Variants in STXBP4 observed in about 807,000 individuals in gnomAD.
The protein encoded by STXBP4 is syntaxin binding protein 4.
STXBP4 carries 55 observed loss-of-function variants against 76.1 expected under a neutral mutation model. That is an observed-to-expected ratio of 0.72 (90% confidence interval 0.58 to 0.91). STXBP4 has a LOEUF of 0.91. Ranked by LOEUF, STXBP4 falls within the 40% of genes least tolerant of loss-of-function variation. STXBP4 has a pLI of 0.00. For missense variants in STXBP4, 618 were observed against 636.9 expected (o/e 0.97, Z 0.32); for synonymous variants, 201 against 220.2 (o/e 0.91, Z 0.77).
intron 13 of STXBP4, among the ~76,000 whole-genome samples, chr17:55,075,823 T>C (rs2079175162): frequency 6.6e-6 from 1 of 152,118 alleles, no homozygotes; most frequent in African/African-American, 2.4e-5. Flanking sequence ...GCTGATTGCA[T>C]GCATCTCTTC....
At position 55,000,946 on chromosome 17, in the gene STXBP4, T is replaced by C. The variant is rs2077904389; in HGVS notation, c.574+63T>C. 5.3e-6 allele frequency: 6 copies of C among 1,139,136 alleles called. No individual in the cohort carries two copies. The East Asian group carries it at 1.5e-4, about 28-fold the overall frequency. 70.6% of individuals were successfully genotyped at this position (1,139,136 alleles called of 1,614,324 possible). On this transcript the variant is annotated intron_variant, in intron 7 of 17. Coordinates refer to ENST00000376352, the MANE Select transcript of STXBP4 (RefSeq NM_178509.6). The stretch of plus-strand genomic sequence containing the variant: ...TTCAATTCTCTCTCAATGAGGAGTG[T>C]GTAATGTGACTTAAGACTTTGAAGA...
intron 16 of STXBP4, among the ~76,000 whole-genome samples, chr17:55,130,685 C>T (rs1306975856): frequency 2.0e-5 from 3 of 152,172 alleles, no homozygotes; most frequent in South Asian, 4.1e-4. Flanking sequence ...CCTGTCCCTC[C>T]CCACCTGCCT....
intron 8 of STXBP4, among the ~76,000 whole-genome samples, chr17:55,012,815 T>C (rs1350636480): frequency 6.6e-6 from 1 of 152,136 alleles, no homozygotes; most frequent in East Asian, 1.9e-4. Flanking sequence ...AGTATACAAG[T>C]TGAGGTCAGG....
At chr17:55,003,837 G>A (rs576462511) in intron 7 of STXBP4, among the ~76,000 whole-genome samples, 8 of 152,058 alleles carry the variant, frequency 5.3e-5, no homozygotes, top group Non-Finnish European at 8.8e-5. Context: ...GTTTGTAAGT[G>A]AGCTAACAAT....
chr17:55,208,087 G>A, the STXBP4 span, among the ~76,000 whole-genome samples: 4 of 150,598 alleles, frequency 2.7e-5, no homozygotes, highest in South Asian at 2.1e-4. Flanking sequence ...TTAACATAAT[G>A]TGTTTTAATC....
intron 17 of STXBP4, among the ~76,000 whole-genome samples, chr17:55,147,473 G>A (rs1051776538): frequency 2.6e-5 from 4 of 152,130 alleles, no homozygotes; most frequent in African/African-American, 4.8e-5. Flanking sequence ...TCCATGGCCC[G>A]GGGGTTGAGG....
chr17:55,158,148 A>T (rs2080301578), intron 17 of STXBP4, among the ~76,000 whole-genome samples: 1 of 152,130 alleles, frequency 6.6e-6, no homozygotes, highest in Non-Finnish European at 1.5e-5. Context: ...CTGCAGCCTC[A>T]AACTTCTGAG....
chr17:54,968,812 A>G lies in STXBP4; in HGVS notation c.-160A>G. The G allele has an allele frequency of 1.4e-6, 1 of 703,116 alleles. No homozygotes were observed. 43.6% of individuals were successfully genotyped at this position (703,116 alleles called of 1,614,324 possible). A position where few individuals can be genotyped will look rare whatever the true frequency, so the allele number is the denominator to read the frequency against. ...GCTACGGAGGCCGGGTTGCCAGATTACGGGTAAGTTTGCGTTTTGCTTTGT... is the reference window on the plus strand; with the variant it reads ...GCTACGGAGGCCGGGTTGCCAGATTGCGGGTAAGTTTGCGTTTTGCTTTGT... On this transcript the variant is annotated 5_prime_UTR_variant, in exon 1 of 18. Transcript: ENST00000376352.
chr17:55,048,917 G>A (rs548400354), intron 12 of STXBP4, among the ~76,000 whole-genome samples: 1 of 151,978 alleles, frequency 6.6e-6, no homozygotes, highest in South Asian at 2.1e-4. Context: ...TATAGGTACT[G>A]GGGAAATCTG....
intron 8 of STXBP4, among the ~76,000 whole-genome samples, chr17:55,027,385 G>C (rs34634766): frequency 2.0e-5 from 3 of 152,162 alleles, no homozygotes; most frequent in African/African-American, 7.2e-5. Context: ...CACAAAGGAA[G>C]TGAAATAATG....
In STXBP4 at chr17:55,024,374, G is replaced by A. The variant is rs139494432; in HGVS notation, c.667-6794G>A. On this transcript the variant is annotated intron_variant, in intron 8 of 17. Transcript: ENST00000376352. ...TATCAGGTTCTCTTCCTTGTCAGCCGGTGATAGAATTGTACTTTCCCATGT... is the reference window on the plus strand; with the variant it reads ...TATCAGGTTCTCTTCCTTGTCAGCCAGTGATAGAATTGTACTTTCCCATGT... 7.6e-3 allele frequency among the ~76,000 whole-genome samples: 1,151 copies of A among 152,302 alleles called. 10 individuals carry two copies. The highest frequency in any genetic ancestry group is 0.014 in the Non-Finnish European group (939 of 68,032).
At chr17:54,985,243 G>GCACAAAATTTCAAATGAGAAC (rs2077610480) in intron 1 of STXBP4, among the ~76,000 whole-genome samples, 1 of 152,146 alleles carries the variant, frequency 6.6e-6, no homozygotes, top group Admixed American at 6.5e-5. Flanking sequence ...GCTTGGAGAA[G>GCACAAAATTTCAAATGAGAAC]CCCAAAATTT....
the STXBP4 span, among the ~76,000 whole-genome samples, chr17:55,212,188 T>A: frequency 6.6e-6 from 1 of 152,122 alleles, no homozygotes; most frequent in Non-Finnish European, 1.5e-5. Context: ...AAATCTACTG[T>A]CTGCTATTTT....
At chr17:55,176,025 C>T (rs544329444), downstream of STXBP4, among the ~76,000 whole-genome samples, 8 of 152,236 alleles carry the variant, frequency 5.3e-5, no homozygotes, top group South Asian at 1.2e-3. Flanking sequence ...TGATTCCTGA[C>T]GCATGTGCAA....
At chr17:55,025,151 A>C (rs931498795) in intron 8 of STXBP4, among the ~76,000 whole-genome samples, 3 of 151,870 alleles carry the variant, frequency 2.0e-5, no homozygotes, top group Non-Finnish European at 4.4e-5. Flanking sequence ...AAAAAAAAAA[A>C]TTTAATTTAA....
At chr17:55,052,581 T>G (rs1295733422) in intron 12 of STXBP4, among the ~76,000 whole-genome samples, 1 of 152,042 alleles carries the variant, frequency 6.6e-6, no homozygotes, top group Non-Finnish European at 1.5e-5. Context: ...AGGGAAAAAT[T>G]TTGATGAAGA....
the STXBP4 span, among the ~76,000 whole-genome samples, chr17:55,194,462 C>G: frequency 6.6e-6 from 1 of 152,100 alleles, no homozygotes; most frequent in African/African-American, 2.4e-5. Flanking sequence ...TGGCCTGTCC[C>G]CCATCCCGCA....
At chr17:55,058,530 AT>A (rs964384228) in intron 12 of STXBP4, among the ~76,000 whole-genome samples, 5 of 152,094 alleles carry the variant, frequency 3.3e-5, no homozygotes, top group Non-Finnish European at 5.9e-5. Flanking sequence ...TGCAAGTTTG[AT>A]TTTTTTAGGC....
chr17:55,073,764 G>A lies in STXBP4; in HGVS notation c.1188+688G>A, dbSNP rs181695698. Reference sequence around the variant, plus strand: ...CTGCCTCAGCCTCCCAAGTAGCTGCGGTTACAGACACCTGCCACCACACCC... The same window carrying A: ...CTGCCTCAGCCTCCCAAGTAGCTGCAGTTACAGACACCTGCCACCACACCC... On this transcript the variant is annotated intron_variant, in intron 13 of 17. Coordinates refer to ENST00000376352, the MANE Select transcript of STXBP4 (RefSeq NM_178509.6). 6.4e-4 allele frequency among the ~76,000 whole-genome samples: 98 copies of A among 152,146 alleles called. 1 individual carries two copies. Among genetic ancestry groups the A allele is most frequent in the Non-Finnish European group, 1.1e-3 (78 of 67,994 alleles).
Sources: gnomAD v4.1 joint callset for allele counts (sites outside exome capture counted in the v4.1 genomes callset) on GRCh38, gnomAD v4.1.1 for gene constraint, MANE v1.5 for transcripts, NCBI Gene and HGNC (gene_info 2026-07-23, HGNC 2026-07-21) for gene names.